The following APOA5 variants were observed in gnomAD, a reference collection of about 807,000 sequenced individuals.
APOA5 encodes apolipoprotein A-V.
APOA5 carries 26 observed loss-of-function variants against 31.8 expected under a neutral mutation model. That is an observed-to-expected ratio of 0.82 (90% CI 0.60 to 1.13). The LOEUF is 1.13. Ranked by LOEUF, APOA5 falls within the 50% of genes most tolerant of loss-of-function variation. The probability of loss-of-function intolerance (pLI) is 0.00; values close to 1 mark genes in which losing one functional copy is unlikely to be tolerated. For synonymous variants in APOA5, 186 were observed against 198.5 expected (o/e 0.94, Z 0.53); for missense variants, 450 against 488.0 (o/e 0.92, Z 0.73).
chr11:116,790,517 T>G lies in APOA5; in HGVS notation c.712A>C (p.Lys238Gln), dbSNP rs757551915. 1.3e-6 allele frequency: 2 copies of G among 1,599,240 alleles called. No homozygotes were observed. Among genetic ancestry groups the G allele is most frequent in the East Asian group, 4.5e-5 (2 of 44,760 alleles). ...ATGCGTGCGTGCAGGGCCTTGGCCT[T>G]GAGCGTGAGCTTCCGGGAGAGCACC... ...VQVLSRKLTL[K>Q]AKALHARIQQ... Residue 238 changes from lysine to glutamine, a missense_variant, in exon 3 of 3, where the codon AAG becomes CAG. By Grantham distance (53) the Lys-to-Gln change is moderately conservative. Coordinates refer to ENST00000227665, the MANE Select transcript of APOA5 (RefSeq NM_001371904.1).
In APOA5 at chr11:116,790,233, G is replaced by C; in HGVS notation, c.996C>G (p.Asp332Glu). The change falls in exon 3 of 3, where the codon GAC becomes GAG. Residue 332 changes from aspartate (D) to glutamate (E), a missense_variant. Physicochemically the swap from Asp to Glu is conservative, Grantham distance 45 (BLOSUM62 2). Coordinates refer to ENST00000227665, the MANE Select transcript of APOA5 (RefSeq NM_001371904.1). ...GCAGCTTGCTCAGAACCTTGCCACT[G>C]TCTGTTTGTTGAAACTCTGGGGCGA... ...SAFAPEFQQT[D>E]SGKVLSKLQA... 2.5e-6 allele frequency: 4 copies of C among 1,614,254 alleles called. No individual in the cohort carries two copies. Among genetic ancestry groups the C allele is most frequent in the Non-Finnish European group, 3.4e-6 (4 of 1,180,034 alleles).
At chr11:116,791,427 A>G in intron 2 of APOA5, 159 bp downstream of exon 2, 1 of 849,794 alleles carries the variant, frequency 1.2e-6, no homozygotes, top group Non-Finnish European at 1.9e-6. Flanking sequence ...AGAGGGCGCT[A>G]AAGAGCCCAG....
At chr11:116,791,953 T>G (rs1941022341), upstream of APOA5, 1 of 1,428,392 alleles carries the variant, frequency 7.0e-7, no homozygotes, top group Non-Finnish European at 9.7e-7. Flanking sequence ...AGGGGGCCTC[T>G]GCAGGGGCAA....
Position 116,790,153 on chromosome 11 carries a change from C to T in APOA5, c.1076G>A (p.Gly359Asp). ...EDITHSLHDQ[G>D]HSHLGDP is the part of the protein sequence containing the mutation. The stretch of plus-strand genomic sequence containing the variant: ...TCAGGGGTCCCCCAGATGGCTGTGG[C>T]CCTGGTCATGAAGGCTGTGAGTGAT... The change falls in exon 3 of 3, where the codon GGC (glycine) becomes GAC (aspartate). Residue 359 changes from glycine (G) to aspartate (D), a missense_variant. Gly to Asp is a moderately conservative substitution (Grantham distance 94). Transcript: ENST00000227665. 6.2e-7 allele frequency: 1 copy of T among 1,614,202 alleles called. No homozygotes were observed. The highest frequency in any genetic ancestry group is 8.5e-7 in the Non-Finnish European group (1 of 1,180,024).
rs912845680 is a variant in APOA5, at chr11:116,791,471, C to T, written c.161+115G>A. 2.5e-5 allele frequency: 28 copies of T among 1,118,214 alleles called. No homozygotes were observed. The Admixed American group carries it at 5.4e-4, about 21-fold the overall frequency. The allele number at this position is 1,118,214 out of a possible 1,614,324, so 69.3% of individuals were successfully genotyped here. On this transcript the variant is annotated intron_variant, in intron 2 of 2. Transcript: ENST00000227665. Reference sequence around the variant, plus strand: ...GGATCTGCAGACAGAGCTAGCACCGCTCCTTTCCTCTGTCCCAGCAGCGGC... The same window carrying T: ...GGATCTGCAGACAGAGCTAGCACCGTTCCTTTCCTCTGTCCCAGCAGCGGC...
Position 116,789,836 on chromosome 11 carries a change from T to C in APOA5, c.*292A>G, listed in dbSNP as rs1014923392. Reference sequence around the variant, plus strand: ...TGCAGATAATCACCCACATGCATGGTGCCTCTCCCTCCCTACTCCCTCACC... The same window carrying C: ...TGCAGATAATCACCCACATGCATGGCGCCTCTCCCTCCCTACTCCCTCACC... On this transcript the variant is annotated 3_prime_UTR_variant, in exon 3 of 3. Coordinates refer to ENST00000227665, the MANE Select transcript of APOA5 (RefSeq NM_001371904.1). The C allele has an allele frequency of 1.2e-5, 6 of 503,502 alleles. No individual in the cohort carries two copies. Among genetic ancestry groups the C allele is most frequent in the Non-Finnish European group, 2.2e-5 (6 of 277,184 alleles). 31.2% of individuals were successfully genotyped at this position (503,502 alleles called of 1,614,324 possible).
In APOA5 at chr11:116,791,857, C is replaced by G; in HGVS notation, c.4G>C (p.Ala2Pro). Residue 2 changes from alanine (A) to proline (P), a missense_variant, in exon 1 of 3, where the codon GCA (alanine) becomes CCA (proline). Coordinates refer to ENST00000227665, the MANE Select transcript of APOA5 (RefSeq NM_001371904.1). The part of the protein sequence containing the change: M[A>P]SMAAVLTWAL... ...CAGGTGAGCACGGCAGCCATGCTTG[C>G]CATTACCTGCTCTGAGAAGACAGGT... 1 of 1,614,172 alleles carries G rather than the reference C, an allele frequency of 6.2e-7. No homozygotes were observed. Among genetic ancestry groups the G allele is most frequent in the Non-Finnish European group, 8.5e-7 (1 of 1,180,026 alleles).
rs1246145799 is a variant in APOA5 at position 116,790,133 on chromosome 11, G to T, written c.1096C>A (p.Pro366Thr). Reference protein sequence around the residue: ...HDQGHSHLGDP With the variant: ...HDQGHSHLGDT ...GGGCCTGGGCAGGTAGATCCTCAGG[G>T]GTCCCCCAGATGGCTGTGGCCCTGG... is the stretch of plus-strand genomic sequence containing the variant. Residue 366 changes from proline to threonine, a missense_variant, in exon 3 of 3, where the codon CCC (proline) becomes ACC (threonine). By Grantham distance (38) the Pro-to-Thr change is conservative. Transcript: ENST00000227665. 6.2e-7 allele frequency: 1 copy of T among 1,614,082 alleles called. No individual in the cohort carries two copies. The highest frequency in any genetic ancestry group is 1.1e-5 in the South Asian group (1 of 91,050).
chr11:116,791,558 G>T (rs372231298), intron 2 of APOA5, 28 bp downstream of exon 2: 1 of 1,573,598 alleles, frequency 6.4e-7, no homozygotes, highest in South Asian at 1.2e-5. Context: ...TCCTCCCTTC[G>T]CCTACACCCC....
At position 116,790,781 on chromosome 11, in the gene APOA5, G is replaced by GGA; in HGVS notation, c.447_448insTC (p.Gln150SerfsTer51). On this transcript the variant is annotated frameshift_variant, in exon 3 of 3. Coordinates refer to ENST00000227665, the MANE Select transcript of APOA5 (RefSeq NM_001371904.1). LOFTEE classifies it high-confidence loss of function. ...GTGTCTTCCCCCACCACGCGCAACT[G>GGA]CTCCTGCAGCTCCTGCACGCGCAGG... is the stretch of plus-strand genomic sequence containing the variant. The GGA allele has an allele frequency of 1.2e-6, 2 of 1,613,454 alleles. No individual in the cohort carries two copies. Among genetic ancestry groups the GGA allele is most frequent in the Non-Finnish European group, 1.7e-6 (2 of 1,179,968 alleles).
chr11:116,789,458 A>G lies in APOA5; in HGVS notation c.*670T>C. 6.4e-6 allele frequency: 1 copy of G among 155,444 alleles called. No homozygotes were observed. The highest frequency in any genetic ancestry group is 1.4e-5 in the Non-Finnish European group (1 of 70,012). 9.6% of individuals were successfully genotyped at this position (155,444 alleles called of 1,614,324 possible). A position where few individuals can be genotyped will look rare whatever the true frequency, so the allele number is the denominator to read the frequency against. On this transcript the variant is annotated 3_prime_UTR_variant, in exon 3 of 3. Transcript: ENST00000227665. ...GGGGCTGGAGATGGGGAGAGCACAC[A>G]GTATGCTCCCCAGAGGGTTTAAGGA...
In APOA5 at chr11:116,790,936, T is replaced by G; in HGVS notation, c.293A>C (p.Glu98Ala). The G allele has an allele frequency of 6.2e-7, 1 of 1,613,228 alleles. No individual in the cohort carries two copies. Among genetic ancestry groups the G allele is most frequent in the Non-Finnish European group, 8.5e-7 (1 of 1,180,008 alleles). ...DPVGMRRQLQ[E>A]ELEEVKARLQ... is the part of the protein sequence containing the mutation. ...GCGAGCCTTCACCTCCTCCAACTCC[T>G]CCTGCAGCTGCCGCCGCATGCCCAC... Residue 98 changes from glutamate to alanine, a missense_variant, in exon 3 of 3, where the codon GAG (glutamate) becomes GCG (alanine). Glu to Ala is a moderately radical substitution (Grantham distance 107, BLOSUM62 -1). Coordinates refer to ENST00000227665, the MANE Select transcript of APOA5 (RefSeq NM_001371904.1).
chr11:116,790,395 G>T lies in APOA5; in HGVS notation c.834C>A (p.Ser278=). The T allele has an allele frequency of 6.2e-7, 1 of 1,610,606 alleles. No homozygotes were observed. Among genetic ancestry groups the T allele is most frequent in the Non-Finnish European group, 8.5e-7 (1 of 1,180,010 alleles). The change falls in exon 3 of 3, where the codon TCC becomes TCA. Residue 278 remains serine, a synonymous_variant. Transcript: ENST00000227665. ...CCTGAAGTCGCTGGCGCACCTCCTCGGAGAGCATCTGGGGGTCCGGGCCGG... is the reference window on the plus strand; with the variant it reads ...CCTGAAGTCGCTGGCGCACCTCCTCTGAGAGCATCTGGGGGTCCGGGCCGG... The part of the protein sequence containing the change: ...EGAGPDPQML[S]EEVRQRLQAF...
chr11:116,789,664 C>A lies in APOA5; in HGVS notation c.*464G>T. 3.8e-6 allele frequency: 1 copy of A among 259,884 alleles called. No individual in the cohort carries two copies. The highest frequency in any genetic ancestry group is 7.6e-6 in the Non-Finnish European group (1 of 131,034). The allele number at this position is 259,884 out of a possible 1,614,324, so 16.1% of individuals were successfully genotyped here. A position where few individuals can be genotyped will look rare whatever the true frequency, so the allele number is the denominator to read the frequency against. ...GATATTCTCTTTCTCCCTTCTATTC[C>A]CCTGATAGCTGCCATGGCAGCCCTG... On this transcript the variant is annotated 3_prime_UTR_variant, in exon 3 of 3. Coordinates refer to ENST00000227665, the MANE Select transcript of APOA5 (RefSeq NM_001371904.1).
Position 116,790,960 on chromosome 11 carries a change from A to T in APOA5, c.269T>A (p.Val90Glu). ...SEAPRLPQDP[V>E]GMRRQLQEEL... ...CTCCTGCAGCTGCCGCCGCATGCCCACCGGGTCCTGTGGGAGCCGAGGAGC... is the reference window on the plus strand; with the variant it reads ...CTCCTGCAGCTGCCGCCGCATGCCCTCCGGGTCCTGTGGGAGCCGAGGAGC... Residue 90 changes from valine to glutamate, a missense_variant, in exon 3 of 3, where the codon GTG becomes GAG. Transcript: ENST00000227665. 1 of 1,612,984 alleles carries T rather than the reference A, an allele frequency of 6.2e-7. No individual in the cohort carries two copies.
At position 116,790,271 on chromosome 11, in the gene APOA5, C is replaced by G; in HGVS notation, c.958G>C (p.Gly320Arg). Residue 320 changes from glycine (G) to arginine (R), a missense_variant, in exon 3 of 3, where the codon GGC (glycine) becomes CGC (arginine). Gly to Arg is a moderately radical substitution (Grantham distance 125). Coordinates refer to ENST00000227665, the MANE Select transcript of APOA5 (RefSeq NM_001371904.1). Reference protein sequence around the residue: ...VQQQLAPPPPGHSAFAPEFQQ... With the variant: ...VQQQLAPPPPRHSAFAPEFQQ... ...AACTCTGGGGCGAAGGCACTGTGGC[C>G]TGGTGGAGGTGGCGCCAGCTGCTGC... is the stretch of plus-strand genomic sequence containing the variant. 6.2e-7 allele frequency: 1 copy of G among 1,614,276 alleles called. No homozygotes were observed. Among genetic ancestry groups the G allele is most frequent in the Non-Finnish European group, 8.5e-7 (1 of 1,180,054 alleles).
chr11:116,791,899 AG>A, upstream of APOA5: 1 of 1,611,536 alleles, frequency 6.2e-7, no homozygotes, highest in South Asian at 1.1e-5. Context: ...AGGCCTGGTT[AG>A]GGGAAGAAGG....
chr11:116,789,981 A>G lies in APOA5; in HGVS notation c.*147T>C. ...GCAGGAGGCTGGATGTGCAGGAGAC[A>G]GCAGCCCCTTTGGTGGCCTCCCTGT... On this transcript the variant is annotated 3_prime_UTR_variant, in exon 3 of 3. Coordinates refer to ENST00000227665, the MANE Select transcript of APOA5 (RefSeq NM_001371904.1). 1 of 812,732 alleles carries G rather than the reference A, an allele frequency of 1.2e-6. No homozygotes were observed. Among genetic ancestry groups the G allele is most frequent in the East Asian group, 2.7e-5 (1 of 37,344 alleles). 50.3% of individuals were successfully genotyped at this position (812,732 alleles called of 1,614,324 possible). A position where few individuals can be genotyped will look rare whatever the true frequency, so the allele number is the denominator to read the frequency against.
At chr11:116,791,559 C>G (rs1941012036) in intron 2 of APOA5, 27 bp downstream of exon 2, 1 of 1,576,624 alleles carries the variant, frequency 6.3e-7, no homozygotes, top group African/African-American at 1.4e-5. Context: ...CCTCCCTTCG[C>G]CTACACCCCT....
Sources: allele counts gnomAD v4.1 joint callset, GRCh38; gene constraint gnomAD v4.1.1; transcripts MANE v1.5; gene names NCBI Gene and HGNC (gene_info 2026-07-23, HGNC 2026-07-21).